TNFRSF11A: variants seen among roughly 807,000 people sequenced by gnomAD.
The protein encoded by TNFRSF11A is tumor necrosis factor receptor superfamily member 11A.
Under a neutral mutation model 55.7 loss-of-function variants are expected in TNFRSF11A, and 32 were observed. That is an observed-to-expected ratio of 0.57 (90% CI 0.43 to 0.77). TNFRSF11A has a LOEUF of 0.77. Ranked by LOEUF, TNFRSF11A falls within the 30% of genes least tolerant of loss-of-function variation. TNFRSF11A has a pLI of 0.00. For missense variants in TNFRSF11A, 753 were observed against 809.8 expected (o/e 0.93, Z 0.85); for synonymous variants, 311 against 331.0 (o/e 0.94, Z 0.65).
chr18:62,361,886 C>A, intron 7 of TNFRSF11A, 93 bp downstream of exon 7: 2 of 1,138,654 alleles, frequency 1.8e-6, no homozygotes, highest in Non-Finnish European at 1.3e-6. Flanking sequence ...CTACTTGCTG[C>A]CTATGGTGAT....
At chr18:62,332,373 CCT>C (rs2046167718) in intron 1 of TNFRSF11A, among the ~76,000 whole-genome samples, 3 of 152,304 alleles carry the variant, frequency 2.0e-5, no homozygotes, top group Non-Finnish European at 2.9e-5. Context: ...TTTAAAGGCC[CCT>C]GTCTTCTCTC....
rs942803298 is a variant in TNFRSF11A, at chr18:62,362,521, C to T, written c.730+728C>T. On this transcript the variant is annotated intron_variant, in intron 7 of 9. Transcript: ENST00000586569. ...AAAAAAAAAAAAAAAAAAGAACCTT[C>T]GATTATGAAAATAAGTTATATTGAA... Among the ~76,000 whole-genome samples the T allele has an allele frequency of 8.9e-5, 13 of 145,358 alleles. No individual in the cohort carries two copies. In the East Asian group the frequency reaches 2.4e-3, roughly 27 times the overall value.
At chr18:62,329,891 A>AAAGC in intron 1 of TNFRSF11A, among the ~76,000 whole-genome samples, 1 of 152,288 alleles carries the variant, frequency 6.6e-6, no homozygotes, top group Admixed American at 6.5e-5. Context: ...CTCTCACGCC[A>AAAGC]AGAAGCCCAA....
chr18:62,384,949 C>T lies in TNFRSF11A; in HGVS notation c.1766C>T (p.Pro589Leu), dbSNP rs745759055. ...DSFAGNGPRF[P>L]DPCGGPEGLR... ...TTCGCGGGGAACGGCCCGCGCTTCC[C>T]GGACCCGTGCGGCGGCCCCGAGGGG... The change falls in exon 10 of 10, where the codon CCG becomes CTG. Residue 589 changes from proline (P) to leucine (L), a missense_variant. Around this residue, in one of 3 missense-constraint regions of TNFRSF11A, gnomAD observed 567 missense variants for 596.7 expected, o/e 0.95. Coordinates refer to ENST00000586569, the MANE Select transcript of TNFRSF11A (RefSeq NM_003839.4). The T allele has an allele frequency of 1.3e-5, 20 of 1,511,180 alleles. No homozygotes were observed. Among genetic ancestry groups the T allele is most frequent in the Non-Finnish European group, 1.6e-5 (18 of 1,135,146 alleles). The allele number at this position is 1,511,180 out of a possible 1,614,324, so 93.6% of individuals were successfully genotyped here. A position where few individuals can be genotyped will look rare whatever the true frequency, so the allele number is the denominator to read the frequency against.
intron 2 of TNFRSF11A, among the ~76,000 whole-genome samples, chr18:62,348,937 G>A (rs950305602): frequency 2.6e-5 from 4 of 152,214 alleles, no homozygotes; most frequent in Admixed American, 1.3e-4. Context: ...TTGGATAGGC[G>A]GGTGGGGCGC....
At chr18:62,378,582 ACC>A (rs1911055671) in intron 9 of TNFRSF11A, among the ~76,000 whole-genome samples, 1 of 152,230 alleles carries the variant, frequency 6.6e-6, no homozygotes, top group African/African-American at 2.4e-5. Flanking sequence ...GAGGAATGCC[ACC>A]ATTGCACCTG....
chr18:62,366,823 T>A, intron 8 of TNFRSF11A, 63 bp downstream of exon 8: 1 of 1,514,654 alleles, frequency 6.6e-7, no homozygotes, highest in Non-Finnish European at 9.2e-7. Flanking sequence ...GGTAGAGCCA[T>A]CCTAGTCACA....
chr18:62,376,726 C>T (rs1159088729), intron 9 of TNFRSF11A, among the ~76,000 whole-genome samples: 8 of 152,170 alleles, frequency 5.3e-5, no homozygotes, highest in Non-Finnish European at 1.2e-4. Context: ...ATCCTCTGTG[C>T]TCTACTCACC....
At chr18:62,353,216 A>G (rs1282500133) in intron 3 of TNFRSF11A, among the ~76,000 whole-genome samples, 1 of 152,184 alleles carries the variant, frequency 6.6e-6, no homozygotes, top group Non-Finnish European at 1.5e-5. Flanking sequence ...ATCACCACGT[A>G]AACTTGTTTC....
chr18:62,366,612 G>A (rs371915793), intron 7 of TNFRSF11A, 96 bp from the exon 8 acceptor site: 12 of 1,293,408 alleles, frequency 9.3e-6, no homozygotes, highest in Admixed American at 1.7e-5. Flanking sequence ...CCTATAACAT[G>A]TTGTATACCT....
rs550681356 is a variant in TNFRSF11A at position 62,325,717 on chromosome 18, A to G, written c.75+290A>G. Among the ~76,000 whole-genome samples the G allele has an allele frequency of 6.6e-5, 10 of 152,258 alleles. No individual in the cohort carries two copies. In the South Asian group the frequency reaches 1.7e-3, roughly 25 times the overall value. On this transcript the variant is annotated intron_variant, in intron 1 of 9. Coordinates refer to ENST00000586569, the MANE Select transcript of TNFRSF11A (RefSeq NM_003839.4). The surrounding 1 kb of genome is among the most constrained non-coding windows in gnomAD (Gnocchi z 4.7). ...CTTAGCCGCAGGCTTTGATGCTGTC[A>G]TTTTCTCCAAATGCTTCTTGAGCAC... is the stretch of plus-strand genomic sequence containing the variant.
rs2145308907 is a variant in TNFRSF11A at position 62,354,429 on chromosome 18, A to AC, written c.328dup (p.Arg110ProfsTer52). 1.3e-6 allele frequency: 2 copies of AC among 1,594,278 alleles called. No individual in the cohort carries two copies. The highest frequency in any genetic ancestry group is 8.5e-7 in the Non-Finnish European group (1 of 1,176,424). On this transcript the variant is annotated frameshift_variant, in exon 4 of 10. Transcript: ENST00000586569. LOFTEE classifies it high-confidence loss of function. ...GGCCGTGGTCGCCGGCAACAGCACG[A>AC]CCCCCCGGCGCTGCGCGTGCACGGC...
chr18:62,348,398 A>T, intron 2 of TNFRSF11A, 149 bp downstream of exon 2: 1 of 721,202 alleles, frequency 1.4e-6, no homozygotes. Context: ...GAAGACAAAA[A>T]TCTTTCTCTC....
chr18:62,340,058 A>T (rs1449090747), intron 1 of TNFRSF11A, among the ~76,000 whole-genome samples: 1 of 151,966 alleles, frequency 6.6e-6, no homozygotes, highest in Non-Finnish European at 1.5e-5. Flanking sequence ...AGGGGCTGGC[A>T]TGGGAAGATG....
chr18:62,376,927 T>C (rs1910939169), intron 9 of TNFRSF11A, among the ~76,000 whole-genome samples: 1 of 152,210 alleles, frequency 6.6e-6, no homozygotes, highest in Non-Finnish European at 1.5e-5. Context: ...TCTTTTTTTA[T>C]TTTTTCAGAC....
rs1320012238 is a variant in TNFRSF11A, at chr18:62,369,393, G to A, written c.1476G>A (p.Gln492=). 4.3e-6 allele frequency: 7 copies of A among 1,611,654 alleles called. No individual in the cohort carries two copies. The highest frequency in any genetic ancestry group is 5.9e-6 in the Non-Finnish European group (7 of 1,179,966). Residue 492 remains glutamine, a synonymous_variant, in exon 9 of 10, where the codon CAG becomes CAA. Coordinates refer to ENST00000586569, the MANE Select transcript of TNFRSF11A (RefSeq NM_003839.4). ...EEASRTEARD[Q]PEDGADGRLP... is the part of the protein sequence containing the mutation. The stretch of plus-strand genomic sequence containing the variant: ...CCAGCAGGACGGAGGCCAGAGACCA[G>A]CCCGAGGATGGGGCTGATGGGAGGC...
intron 1 of TNFRSF11A, among the ~76,000 whole-genome samples, chr18:62,347,638 C>T (rs558301453): frequency 2.0e-5 from 3 of 152,220 alleles, no homozygotes; most frequent in South Asian, 2.1e-4. Context: ...GCAGGCCGGG[C>T]GTGGTGGCTC....
chr18:62,369,318 A>C lies in TNFRSF11A; in HGVS notation c.1401A>C (p.Gly467=). 6.2e-7 allele frequency: 1 copy of C among 1,610,264 alleles called. No homozygotes were observed. Among genetic ancestry groups the C allele is most frequent in the Non-Finnish European group, 8.5e-7 (1 of 1,178,168 alleles). ...CEPLVGSPKR[G]PLPQCAYGMG... ...CCCTCGTGGGTTCCCCAAAACGTGG[A>C]CCCTTGCCCCAGTGCGCCTATGGCA... The change falls in exon 9 of 10, where the codon GGA becomes GGC. Residue 467 remains glycine, a synonymous_variant. Transcript: ENST00000586569.
At chr18:62,326,193 G>A (rs530705228) in intron 1 of TNFRSF11A, among the ~76,000 whole-genome samples, 4 of 152,348 alleles carry the variant, frequency 2.6e-5, no homozygotes, top group African/African-American at 4.8e-5. Flanking sequence ...ACAGGGAAGG[G>A]CGAGTGGTGG....
Sources: allele counts gnomAD v4.1 joint callset (sites outside exome capture counted in the v4.1 genomes callset), GRCh38; gene constraint gnomAD v4.1.1; regional missense constraint gnomAD v4.1.1; non-coding constraint Gnocchi (gnomAD v3.1); transcripts MANE v1.5; gene names NCBI Gene and HGNC (gene_info 2026-07-23, HGNC 2026-07-21).